The following PMF1 variants were observed in gnomAD, a reference collection of about 807,000 sequenced individuals.
PMF1 encodes the protein polyamine modulated factor 1.
PMF1 carries 21 observed loss-of-function variants against 26.7 expected under a neutral mutation model. The ratio of observed to expected loss-of-function variants is 0.79; its 90% CI spans 0.56 to 1.13. The LOEUF is 1.13. Ranked by LOEUF, PMF1 falls within the 50% of genes most tolerant of loss-of-function variation. The pLI, the probability that PMF1 is intolerant of heterozygous loss-of-function variation, is 0.00. For synonymous variants in PMF1, 105 were observed against 101.0 expected, an observed-to-expected ratio of 1.04 and a Z score of -0.24; for missense variants, 266 against 254.9, an observed-to-expected ratio of 1.04 and a Z score of -0.30.
intron 1 of PMF1, among the ~76,000 whole-genome samples, chr1:156,215,560 A>C (rs1443785130): frequency 6.7e-6 from 1 of 148,410 alleles, no homozygotes; most frequent in Non-Finnish European, 1.5e-5. Flanking sequence ...TTATTTATTT[A>C]TTTTTATTTC....
intron 3 of PMF1, among the ~76,000 whole-genome samples, chr1:156,235,130 T>A (rs1359435965): frequency 6.6e-6 from 1 of 152,048 alleles, no homozygotes; most frequent in African/African-American, 2.4e-5. Flanking sequence ...GAATTTTTTT[T>A]TTTTTTTGAG....
intron 4 of PMF1, chr1:156,236,810 G>GT: frequency 2.8e-6 from 1 of 357,704 alleles, no homozygotes; most frequent in Middle Eastern, 7.5e-4. Context: ...ACCTGGTGCT[G>GT]GTTCTACTGC....
chr1:156,230,184 C>G (rs1156507294), intron 1 of PMF1, among the ~76,000 whole-genome samples: 1 of 151,094 alleles, frequency 6.6e-6, no homozygotes, highest in Non-Finnish European at 1.5e-5. Context: ...GCCCGCCAGC[C>G]TGATCCTCAC....
In PMF1 at chr1:156,213,048, C is replaced by A. The variant is rs1414253839; in HGVS notation, c.33C>A (p.Ser11Arg). 4 of 1,614,190 alleles carry A rather than the reference C, an allele frequency of 2.5e-6. No individual in the cohort carries two copies. The highest frequency in any genetic ancestry group is 1.1e-5 in the South Asian group (1 of 91,088). Residue 11 changes from serine (S) to arginine (R), a missense_variant, in exon 1 of 5, where the codon AGC becomes AGA. Ser to Arg is a moderately radical substitution (Grantham distance 110). Coordinates refer to ENST00000368277, the MANE Select transcript of PMF1 (RefSeq NM_007221.4). ...AAGCAAGTAGCGCCAATCTAGGCAG[C>A]GGCTGTGAGGAAAAAAGGCATGAGG... MAEASSANLG[S>R]GCEEKRHEGS...
chr1:156,232,700 C>CT (rs35660146), intron 2 of PMF1, among the ~76,000 whole-genome samples: 4,144 of 146,940 alleles, frequency 0.028, 88 homozygotes, highest in Non-Finnish European at 0.042. Context: ...CTGATGGGGT[C>CT]TTTTTTTTTT....
chr1:156,216,191 G>A (rs1394545285), intron 1 of PMF1, among the ~76,000 whole-genome samples: 2 of 151,512 alleles, frequency 1.3e-5, no homozygotes, highest in Non-Finnish European at 2.9e-5. Context: ...AGAAGTTCGA[G>A]ACCAGCCTGG....
chr1:156,216,791 T>A (rs1451256287), intron 1 of PMF1, among the ~76,000 whole-genome samples: 2 of 151,936 alleles, frequency 1.3e-5, no homozygotes, highest in Non-Finnish European at 2.9e-5. Context: ...CGCCGCCCCT[T>A]CCCCGGAGTG....
intron 4 of PMF1, among the ~76,000 whole-genome samples, chr1:156,239,284 C>T (rs770677316): frequency 1.3e-5 from 2 of 152,178 alleles, no homozygotes; most frequent in Non-Finnish European, 2.9e-5. Context: ...ACTTTGGGGA[C>T]CCTTGCTGAA....
intron 1 of PMF1, among the ~76,000 whole-genome samples, chr1:156,224,552 G>A (rs1463232830): frequency 1.3e-5 from 2 of 152,176 alleles, no homozygotes; most frequent in East Asian, 1.9e-4. Context: ...TGAGGCGGGC[G>A]GATCATGAGG....
intron 4 of PMF1, among the ~76,000 whole-genome samples, chr1:156,237,811 C>T (rs932716631): frequency 2.6e-5 from 4 of 152,126 alleles, no homozygotes; most frequent in African/African-American, 9.7e-5. Flanking sequence ...GGCTGGAGTG[C>T]AGTGACATGA....
At chr1:156,225,647 C>A in intron 1 of PMF1, 1 of 1,559,224 alleles carries the variant, frequency 6.4e-7, no homozygotes, top group East Asian at 2.4e-5. Flanking sequence ...GGGCGGCGTG[C>A]AGGTTACCAC....
At chr1:156,233,832 T>G in intron 3 of PMF1, 104 bp downstream of exon 3, 2 of 1,130,082 alleles carry the variant, frequency 1.8e-6, no homozygotes, top group Non-Finnish European at 1.2e-6. Context: ...GCCAGGCTGG[T>G]CACAAACTCC....
At chr1:156,235,957 G>T (rs1461578465) in intron 3 of PMF1, among the ~76,000 whole-genome samples, 1 of 152,160 alleles carries the variant, frequency 6.6e-6, no homozygotes, top group Non-Finnish European at 1.5e-5. Flanking sequence ...ACAGAGGCAG[G>T]GGCTACAAAG....
chr1:156,214,166 G>A (rs952839206), intron 1 of PMF1, among the ~76,000 whole-genome samples: 25 of 151,882 alleles, frequency 1.6e-4, no homozygotes, highest in Non-Finnish European at 3.2e-4. Context: ...CACCCACCTC[G>A]GCCTCCCAAA....
rs1450384065 is a variant in PMF1 at position 156,236,485 on chromosome 1, TC to T, written c.564+3del. 4 of 1,605,316 alleles carry T rather than the reference TC, an allele frequency of 2.5e-6. No individual in the cohort carries two copies. The highest frequency in any genetic ancestry group is 3.4e-6 in the Non-Finnish European group (4 of 1,175,724). ...CAGGCCCAGCAGCAGGCCTGGCAGG[TC>T]AGTGTCCCAGCCTGCCTCTTCCTCT... On this transcript the variant is annotated splice_donor_region_variant and intron_variant, in intron 4 of 4. Coordinates refer to ENST00000368277, the MANE Select transcript of PMF1 (RefSeq NM_007221.4).
intron 1 of PMF1, among the ~76,000 whole-genome samples, chr1:156,228,619 G>A (rs1190348295): frequency 6.6e-6 from 1 of 152,064 alleles, no homozygotes; most frequent in Admixed American, 6.6e-5. Flanking sequence ...GGCCCTATCC[G>A]CTGTCAGCTG....
chr1:156,232,441 C>G lies in PMF1; in HGVS notation c.267+16C>G, dbSNP rs1572500597. 1 of 1,612,112 alleles carries G rather than the reference C, an allele frequency of 6.2e-7. No homozygotes were observed. Among genetic ancestry groups the G allele is most frequent in the Non-Finnish European group, 8.5e-7 (1 of 1,178,440 alleles). The stretch of plus-strand genomic sequence containing the variant: ...ATCTATCCGGGTGAGTGGCGGGAAG[C>G]CTGGCAGGTGCTGTTGACTTGGGTT... On this transcript the variant is annotated intron_variant, in intron 2 of 4. Coordinates refer to ENST00000368277, the MANE Select transcript of PMF1 (RefSeq NM_007221.4).
chr1:156,236,666 C>T, intron 4 of PMF1, 183 bp downstream of exon 4: 4 of 761,634 alleles, frequency 5.3e-6, no homozygotes, highest in Non-Finnish European at 8.2e-6. Flanking sequence ...CCAGCCTCAG[C>T]AGACAGTCTC....
chr1:156,234,746 T>TCGGCCTC (rs1220852414), intron 3 of PMF1, among the ~76,000 whole-genome samples: 1 of 152,064 alleles, frequency 6.6e-6, no homozygotes, highest in Non-Finnish European at 1.5e-5. Flanking sequence ...TGACCTCAGG[T>TCGGCCTC]GATCCTCCTG....
Sources: gnomAD v4.1 joint callset for allele counts (sites outside exome capture counted in the v4.1 genomes callset) on GRCh38, gnomAD v4.1.1 for gene constraint, MANE v1.5 for transcripts, NCBI Gene and HGNC (gene_info 2026-07-23, HGNC 2026-07-21) for gene names.